Variants in C3orf20 observed in about 807,000 individuals in gnomAD.
The protein encoded by C3orf20 is uncharacterized protein C3orf20.
C3orf20 carries 76 observed loss-of-function variants against 88.3 expected under a neutral mutation model. The ratio of observed to expected loss-of-function variants is 0.86; its 90% CI spans 0.72 to 1.04. The LOEUF is 1.04. C3orf20 is among the 50% of genes least tolerant of loss of function. C3orf20 has a pLI of 0.00. For synonymous variants in C3orf20, 436 were observed against 437.4 expected, an observed-to-expected ratio of 1.00 and a Z score of 0.04; for missense variants, 1,056 against 1,123.3, an observed-to-expected ratio of 0.94 and a Z score of 0.86.
At chr3:14,756,768 A>AG (rs2035386184) in intron 12 of C3orf20, among the ~76,000 whole-genome samples, 1 of 152,244 alleles carries the variant, frequency 6.6e-6, no homozygotes, top group Admixed American at 6.5e-5. Flanking sequence ...GATGAAATGC[A>AG]GGGGGCAGAT....
chr3:14,741,893 C>T (rs1168100195), intron 12 of C3orf20, among the ~76,000 whole-genome samples: 1 of 152,122 alleles, frequency 6.6e-6, no homozygotes, highest in Non-Finnish European at 1.5e-5. Flanking sequence ...GAGGTAGTAA[C>T]TTTTGGGTCA....
chr3:14,728,855 G>C (rs140750028), intron 12 of C3orf20, among the ~76,000 whole-genome samples, 167 bp downstream of exon 12: 1 of 152,184 alleles, frequency 6.6e-6, no homozygotes, highest in Non-Finnish European at 1.5e-5. Context: ...TTTAGGCAGC[G>C]ATAAGGACTA....
chr3:14,697,045 A>G (rs997031199), intron 5 of C3orf20, among the ~76,000 whole-genome samples: 2 of 151,674 alleles, frequency 1.3e-5, no homozygotes, highest in Admixed American at 1.3e-4. Context: ...CTGCCAGACA[A>G]TTGGAGCTCC....
intron 1 of C3orf20, among the ~76,000 whole-genome samples, chr3:14,678,983 T>TC (rs1021508926): frequency 4.6e-5 from 7 of 151,808 alleles, no homozygotes; most frequent in Non-Finnish European, 8.8e-5. Context: ...CTCCCACGGA[T>TC]CCCCCCACAT....
chr3:14,726,945 G>A lies in C3orf20; in HGVS notation c.1611G>A (p.Met537Ile). ...ISNMDDKVYKMSRALAEIKKR... is the reference protein window; with the variant it reads ...ISNMDDKVYKISRALAEIKKR... ...ACATGGACGACAAGGTGTATAAGAT[G>A]AGCCGAGCCCTGGCTGAGATCAAGA... Residue 537 changes from methionine to isoleucine, a missense_variant, in exon 11 of 17, where the codon ATG becomes ATA. Physicochemically the swap from Met to Ile is conservative, Grantham distance 10. Transcript: ENST00000253697. 6.2e-7 allele frequency: 1 copy of A among 1,614,162 alleles called. No individual in the cohort carries two copies. The highest frequency in any genetic ancestry group is 8.5e-7 in the Non-Finnish European group (1 of 1,180,016).
chr3:14,770,091 A>G (rs2035820246), intron 15 of C3orf20, among the ~76,000 whole-genome samples: 1 of 152,112 alleles, frequency 6.6e-6, no homozygotes. Flanking sequence ...GGAGCCCATC[A>G]GCCTACCCTG....
In C3orf20 at chr3:14,772,934, G is replaced by C; in HGVS notation, c.*59G>C. ...CCGGCCCGGGGTGCTGGGGCTTCTTGCCAGCCCAGCCCTGCCTCCCCGGTC... is the reference window on the plus strand; with the variant it reads ...CCGGCCCGGGGTGCTGGGGCTTCTTCCCAGCCCAGCCCTGCCTCCCCGGTC... On this transcript the variant is annotated 3_prime_UTR_variant, in exon 17 of 17. Transcript: ENST00000253697. The surrounding 1 kb of genome is among the most constrained non-coding windows in gnomAD (Gnocchi z 4.2). 2 of 1,330,202 alleles carry C rather than the reference G, an allele frequency of 1.5e-6. No individual in the cohort carries two copies. The highest frequency in any genetic ancestry group is 2.4e-5 in the South Asian group (2 of 84,840). The allele number at this position is 1,330,202 out of a possible 1,614,324, so 82.4% of individuals were successfully genotyped here. A position where few individuals can be genotyped will look rare whatever the true frequency, so the allele number is the denominator to read the frequency against.
At chr3:14,691,696 CAAT>C (rs2070629892) in intron 5 of C3orf20, among the ~76,000 whole-genome samples, 1 of 152,166 alleles carries the variant, frequency 6.6e-6, no homozygotes, top group African/African-American at 2.4e-5. Context: ...TACAGGCACA[CAAT>C]AATCACATCA....
intron 12 of C3orf20, among the ~76,000 whole-genome samples, chr3:14,733,266 T>C (rs970498967): frequency 1.3e-5 from 2 of 152,190 alleles, no homozygotes; most frequent in Admixed American, 1.3e-4. Flanking sequence ...GTGAATTATA[T>C]AGATATTAAT....
chr3:14,710,243 T>A (rs1352396441), intron 7 of C3orf20, among the ~76,000 whole-genome samples: 1 of 152,016 alleles, frequency 6.6e-6, no homozygotes, highest in African/African-American at 2.4e-5. Context: ...ATTTGAGTCT[T>A]TCTTTTTTTT....
At chr3:14,765,474 T>C (rs1197735821) in intron 15 of C3orf20, 1 of 152,202 alleles carries the variant, frequency 6.6e-6, no homozygotes, top group Admixed American at 6.5e-5. Context: ...GACATTGTTT[T>C]CTATGTCCTC....
chr3:14,745,115 A>G (rs538014681), intron 12 of C3orf20, among the ~76,000 whole-genome samples: 17 of 152,346 alleles, frequency 1.1e-4, no homozygotes, highest in African/African-American at 4.1e-4. Flanking sequence ...TTTGCCTGTT[A>G]GAGCAGGAAG....
At position 14,730,943 on chromosome 3, in the gene C3orf20, T is replaced by A. The variant is rs116814522; in HGVS notation, c.1940+2255T>A. On this transcript the variant is annotated intron_variant, in intron 12 of 16. Transcript: ENST00000253697. ...ACCCTCCATTGTTTGTTGACCATTTTAAGTTCAGCAGTCCTTCTTTTCCTC... is the reference window on the plus strand; with the variant it reads ...ACCCTCCATTGTTTGTTGACCATTTAAAGTTCAGCAGTCCTTCTTTTCCTC... Among the ~76,000 whole-genome samples the A allele has an allele frequency of 5.0e-3, 758 of 152,328 alleles. 5 individuals are homozygous for A. The highest frequency in any genetic ancestry group is 0.017 in the African/African-American group (715 of 41,566).
At chr3:14,731,634 T>G (rs1023684944) in intron 12 of C3orf20, among the ~76,000 whole-genome samples, 3 of 152,164 alleles carry the variant, frequency 2.0e-5, no homozygotes, top group African/African-American at 7.2e-5. Flanking sequence ...CCCAAGCTTT[T>G]TAGTGGGTAC....
intron 5 of C3orf20, among the ~76,000 whole-genome samples, chr3:14,699,135 C>G (rs2033137566): frequency 1.3e-5 from 2 of 152,072 alleles, no homozygotes; most frequent in African/African-American, 4.8e-5. Flanking sequence ...GCCTGGGACT[C>G]ACTTTTCAGG....
chr3:14,676,718 CT>C (rs1373027229), intron 1 of C3orf20, among the ~76,000 whole-genome samples: 1 of 152,168 alleles, frequency 6.6e-6, no homozygotes, highest in Non-Finnish European at 1.5e-5. Flanking sequence ...CTTCATGGGT[CT>C]TGTCAGGAGA....
At chr3:14,750,030 T>TA (rs527303569) in intron 12 of C3orf20, among the ~76,000 whole-genome samples, 50 of 151,836 alleles carry the variant, frequency 3.3e-4, no homozygotes, top group African/African-American at 1.2e-3. Flanking sequence ...AACTGAAAAA[T>TA]ATGACAATAC....
rs1334780125 is a variant in C3orf20 at position 14,760,000 on chromosome 3, T to C, written c.2352+2T>C. The C allele has an allele frequency of 6.2e-7, 1 of 1,612,360 alleles. No individual in the cohort carries two copies. Among genetic ancestry groups the C allele is most frequent in the Admixed American group, 1.7e-5 (1 of 60,010 alleles). On this transcript the variant is annotated splice_donor_variant, in intron 14 of 16. Transcript: ENST00000253697. LOFTEE classifies it high-confidence loss of function. ...TCTGTGGTGCAGGGGATGATTCTGG[T>C]GAGCCAGCAGGGACTTGCTATCCAC...
intron 15 of C3orf20, among the ~76,000 whole-genome samples, chr3:14,766,223 C>T (rs1195222772): frequency 6.6e-6 from 1 of 152,222 alleles, no homozygotes; most frequent in Non-Finnish European, 1.5e-5. Flanking sequence ...ATCCCCTCCC[C>T]AGGGCAGCCC....
Sources: gnomAD v4.1 joint callset for allele counts (sites outside exome capture counted in the v4.1 genomes callset) on GRCh38, gnomAD v4.1.1 for gene constraint, Gnocchi (gnomAD v3.1) non-coding constraint, MANE v1.5 for transcripts, NCBI Gene and HGNC (gene_info 2026-07-23, HGNC 2026-07-21) for gene names.